Variants in PARD3B observed in about 807,000 individuals in gnomAD.
PARD3B encodes par-3 family cell polarity regulator beta.
A neutral mutation model predicts 130.2 loss-of-function variants in PARD3B; 103 were observed. The ratio of observed to expected loss-of-function variants is 0.79; its 90% CI spans 0.67 to 0.93. PARD3B has a LOEUF of 0.93. PARD3B is among the 40% of genes least tolerant of loss of function. PARD3B has a pLI of 0.00. For missense variants in PARD3B, 1,609 were observed against 1,499.2 expected (o/e 1.07, Z -1.21); for synonymous variants, 583 against 553.2 (o/e 1.05, Z -0.76).
intron 18 of PARD3B, among the ~76,000 whole-genome samples, chr2:205,356,304 C>T (rs1418220982): frequency 6.6e-6 from 1 of 152,084 alleles, no homozygotes; most frequent in Admixed American, 6.5e-5. Flanking sequence ...TATTTTATAG[C>T]ATATAGTAGG....
intron 2 of PARD3B, among the ~76,000 whole-genome samples, chr2:204,830,176 T>G (rs2043759605): frequency 6.6e-6 from 1 of 152,096 alleles, no homozygotes; most frequent in South Asian, 2.1e-4. Flanking sequence ...CAGTTAAACC[T>G]TTTTTCTTTA....
intron 8 of PARD3B, among the ~76,000 whole-genome samples, chr2:205,123,145 A>G (rs2030953955): frequency 6.6e-6 from 1 of 152,224 alleles, no homozygotes; most frequent in African/African-American, 2.4e-5. Context: ...ACAACAAAGG[A>G]TAAGTAAAGG....
intron 2 of PARD3B, among the ~76,000 whole-genome samples, chr2:204,743,433 T>C (rs1360825169): frequency 6.6e-6 from 1 of 152,154 alleles, no homozygotes; most frequent in Non-Finnish European, 1.5e-5. Flanking sequence ...TAAACTAGTA[T>C]AGAGGACATG....
chr2:204,957,985 A>G (rs899550078), intron 2 of PARD3B, among the ~76,000 whole-genome samples: 10 of 152,166 alleles, frequency 6.6e-5, no homozygotes, highest in African/African-American at 2.2e-4. Context: ...ATATCAATAC[A>G]TTGTTTAGTT....
chr2:205,424,341 G>A (rs1190828525), intron 19 of PARD3B, among the ~76,000 whole-genome samples: 1 of 152,100 alleles, frequency 6.6e-6, no homozygotes, highest in Non-Finnish European at 1.5e-5. Flanking sequence ...GTTTTTCCGG[G>A]CTCTGTGGAA....
At chr2:205,277,833 T>C (rs1438270394) in intron 16 of PARD3B, among the ~76,000 whole-genome samples, 1 of 152,150 alleles carries the variant, frequency 6.6e-6, no homozygotes, top group Non-Finnish European at 1.5e-5. Context: ...AAGGGAGCCC[T>C]ACAGGAGTAA....
chr2:204,978,195 A>C (rs1692357812), intron 3 of PARD3B, among the ~76,000 whole-genome samples: 1 of 152,292 alleles, frequency 6.6e-6, no homozygotes, highest in Non-Finnish European at 1.5e-5. Context: ...GGAGAGAGTA[A>C]CCAACACAAA....
chr2:205,471,940 A>G (rs59629925), intron 20 of PARD3B, among the ~76,000 whole-genome samples: 5,683 of 152,244 alleles, frequency 0.037, 322 homozygotes, highest in African/African-American at 0.12. Context: ...TCAGTAACCC[A>G]GTGATCCTAG....
At chr2:205,036,188 A>G (rs950655979) in intron 3 of PARD3B, among the ~76,000 whole-genome samples, 2 of 146,144 alleles carry the variant, frequency 1.4e-5, no homozygotes, top group African/African-American at 5.0e-5. Context: ...TATATACAAA[A>G]TAAGTATATA....
chr2:205,188,382 G>A (rs1033829551), intron 14 of PARD3B, among the ~76,000 whole-genome samples: 3 of 152,158 alleles, frequency 2.0e-5, no homozygotes, highest in African/African-American at 4.8e-5. Flanking sequence ...ATGCTTCTCC[G>A]GAGAGCAGTG....
intron 1 of PARD3B, among the ~76,000 whole-genome samples, chr2:204,617,163 A>G (rs1029029149): frequency 6.6e-6 from 1 of 152,120 alleles, no homozygotes; most frequent in Non-Finnish European, 1.5e-5. Context: ...AAGCTTGCAG[A>G]GTTAGGGGTT....
In PARD3B at chr2:205,091,071, A is replaced by T. The variant is rs1262458141; in HGVS notation, c.505-13355A>T. On this transcript the variant is annotated intron_variant, in intron 4 of 22. Transcript: ENST00000406610. The surrounding 1 kb of genome is among the most constrained non-coding windows in gnomAD (Gnocchi z 4.2). ...AGAAGCAGTTATAAATATGTAAATT[A>T]AGCAATCTGATTATAGTACACCTTG... 6.6e-6 allele frequency among the ~76,000 whole-genome samples: 1 copy of T among 152,204 alleles called. No individual in the cohort carries two copies. Among genetic ancestry groups the T allele is most frequent in the Non-Finnish European group, 1.5e-5 (1 of 68,030 alleles).
At chr2:205,340,000 G>A (rs1004000315) in intron 18 of PARD3B, among the ~76,000 whole-genome samples, 5 of 152,060 alleles carry the variant, frequency 3.3e-5, no homozygotes, top group African/African-American at 1.2e-4. Flanking sequence ...ACAATTATGT[G>A]TGTCCTAAAA....
At chr2:204,972,853 C>T (rs1691826420) in intron 3 of PARD3B, among the ~76,000 whole-genome samples, 1 of 152,190 alleles carries the variant, frequency 6.6e-6, no homozygotes, top group African/African-American at 2.4e-5. Flanking sequence ...TATTAGACCC[C>T]TGGGTTTTTA....
intron 2 of PARD3B, among the ~76,000 whole-genome samples, chr2:204,920,750 T>C (rs2047644714): frequency 6.6e-6 from 1 of 152,178 alleles, no homozygotes; most frequent in Non-Finnish European, 1.5e-5. Context: ...ATGAATTAAT[T>C]TATCATCGCT....
chr2:204,557,190 CT>C (rs2030985016), intron 1 of PARD3B, among the ~76,000 whole-genome samples: 1 of 152,090 alleles, frequency 6.6e-6, no homozygotes, highest in Non-Finnish European at 1.5e-5. Context: ...TAAATACACA[CT>C]TCTAGCCCTG....
intron 20 of PARD3B, among the ~76,000 whole-genome samples, chr2:205,477,327 G>A (rs2049059166): frequency 6.6e-6 from 1 of 152,186 alleles, no homozygotes; most frequent in African/African-American, 2.4e-5. Context: ...GGAGATGTGT[G>A]TGGAAGCATT....
At chr2:205,246,895 A>G (rs1416279615) in intron 16 of PARD3B, among the ~76,000 whole-genome samples, 1 of 152,068 alleles carries the variant, frequency 6.6e-6, no homozygotes, top group Non-Finnish European at 1.5e-5. Context: ...AGAGATTTCT[A>G]TGGGAGTGAT....
rs182288370 is a variant in PARD3B, at chr2:204,688,247, T to C, written c.222+1965T>C. Among the ~76,000 whole-genome samples the C allele has an allele frequency of 3.6e-3, 553 of 152,256 alleles. 3 individuals are homozygous for C. Among genetic ancestry groups the C allele is most frequent in the African/African-American group, 0.013 (537 of 41,540 alleles). On this transcript the variant is annotated intron_variant, in intron 2 of 22. Coordinates refer to ENST00000406610, the MANE Select transcript of PARD3B (RefSeq NM_001302769.2). Reference sequence around the variant, plus strand: ...CAGAGTTTATGACAATTTATACTTTTGATGTTGCTAGAAAAAATTGTGTTG... The same window carrying C: ...CAGAGTTTATGACAATTTATACTTTCGATGTTGCTAGAAAAAATTGTGTTG...
Sources: allele counts gnomAD v4.1 joint callset (sites outside exome capture counted in the v4.1 genomes callset), GRCh38; gene constraint gnomAD v4.1.1; non-coding constraint Gnocchi (gnomAD v3.1); transcripts MANE v1.5; gene names NCBI Gene and HGNC (gene_info 2026-07-23, HGNC 2026-07-21).